TBCD: variants seen among roughly 807,000 people sequenced by gnomAD.
TBCD encodes tubulin-specific chaperone D.
A neutral mutation model predicts 169.3 loss-of-function variants in TBCD; 105 were observed. The ratio of observed to expected loss-of-function variants is 0.62; its 90% CI spans 0.53 to 0.73. TBCD has a LOEUF of 0.73. TBCD is among the 30% of genes least tolerant of loss of function. The pLI is 0.00. For missense variants in TBCD, 1,444 were observed against 1,600.1 expected, an observed-to-expected ratio of 0.90 and a Z score of 1.66; for synonymous variants, 700 against 643.9, an observed-to-expected ratio of 1.09 and a Z score of -1.32.
intron 30 of TBCD, 78 bp from the exon 31 acceptor site, chr17:82,929,033 TCG>T: frequency 6.6e-7 from 1 of 1,525,230 alleles, no homozygotes; most frequent in Non-Finnish European, 8.8e-7. Context: ...GAGTCACGGC[TCG>T]GACCGCCTGT....
At chr17:82,788,873 C>A (rs373555642) in intron 7 of TBCD, among the ~76,000 whole-genome samples, 8 of 152,170 alleles carry the variant, frequency 5.3e-5, no homozygotes, top group African/African-American at 1.7e-4. Flanking sequence ...GACCTCTCAC[C>A]GCAGAGGCTG....
intron 14 of TBCD, among the ~76,000 whole-genome samples, chr17:82,873,862 C>T (rs952381528): frequency 6.6e-6 from 1 of 152,156 alleles, no homozygotes; most frequent in Non-Finnish European, 1.5e-5. Context: ...GTGATCTGTT[C>T]GCACATTCTC....
At chr17:82,937,671 C>T (rs2062747622) in intron 35 of TBCD, 1 of 611,256 alleles carries the variant, frequency 1.6e-6, no homozygotes, top group Admixed American at 3.0e-5. Context: ...CTCCTGTGTG[C>T]CCTGGGGGTC....
At chr17:82,781,908 G>A (rs990197344) in intron 7 of TBCD, among the ~76,000 whole-genome samples, 187 bp downstream of exon 7, 1 of 152,222 alleles carries the variant, frequency 6.6e-6, no homozygotes, top group African/African-American at 2.4e-5. Flanking sequence ...GGCAGGGCTG[G>A]TTTCTGCGCT....
intron 19 of TBCD, among the ~76,000 whole-genome samples, chr17:82,904,722 G>A (rs905924435): frequency 2.0e-5 from 3 of 152,156 alleles, no homozygotes; most frequent in Non-Finnish European, 2.9e-5. Flanking sequence ...CTGATGTGAC[G>A]CCTGTGTTGA....
chr17:82,828,390 G>A (rs188687195), intron 13 of TBCD, among the ~76,000 whole-genome samples: 1 of 101,940 alleles, frequency 9.8e-6, no homozygotes, highest in Admixed American at 1.1e-4. Context: ...ACAGATACAT[G>A]CACACCCAAT....
intron 36 of TBCD, 101 bp from the exon 37 acceptor site, chr17:82,939,266 A>T: frequency 1.1e-6 from 1 of 902,900 alleles, no homozygotes; most frequent in South Asian, 1.4e-5. Flanking sequence ...CCTCCTCCTG[A>T]CGCCTTCCAC....
Position 82,920,748 on chromosome 17 carries a change from C to A in TBCD, c.2101+130C>A. The A allele has an allele frequency of 3.4e-6, 3 of 886,086 alleles. No homozygotes were observed. Among genetic ancestry groups the A allele is most frequent in the Non-Finnish European group, 3.4e-6 (2 of 584,174 alleles). 54.9% of individuals were successfully genotyped at this position (886,086 alleles called of 1,614,324 possible). A position where few individuals can be genotyped will look rare whatever the true frequency, so the allele number is the denominator to read the frequency against. On this transcript the variant is annotated intron_variant, in intron 24 of 38. Coordinates refer to ENST00000355528, the MANE Select transcript of TBCD (RefSeq NM_005993.5). This position sits in a 1 kb window ranked among gnomAD's most constrained non-coding sequence, Gnocchi z 4.1. Reference sequence around the variant, plus strand: ...AAAGGTTCAAGATATTAATCGGATACGTTGCCTTGAAGTTGTTACAAGAAC... The same window carrying A: ...AAAGGTTCAAGATATTAATCGGATAAGTTGCCTTGAAGTTGTTACAAGAAC...
intron 29 of TBCD, among the ~76,000 whole-genome samples, 179 bp from the exon 30 acceptor site, chr17:82,927,726 C>T (rs1439314090): frequency 4.6e-5 from 7 of 152,148 alleles, no homozygotes; most frequent in African/African-American, 7.2e-5. Flanking sequence ...TCCCTGCACA[C>T]GTCCCTGTAG....
At chr17:82,871,282 G>A (rs1240675152) in intron 14 of TBCD, among the ~76,000 whole-genome samples, 2 of 152,224 alleles carry the variant, frequency 1.3e-5, no homozygotes, top group Admixed American at 6.5e-5. Flanking sequence ...AACCGTGTGC[G>A]CTGGTTTTGT....
intron 38 of TBCD, chr17:82,942,095 A>G: frequency 4.8e-6 from 2 of 414,638 alleles, no homozygotes; most frequent in Non-Finnish European, 8.6e-6. Flanking sequence ...ATCAGGACAC[A>G]GCCTCCCCCA....
chr17:82,877,880 TAGAG>T, intron 14 of TBCD, among the ~76,000 whole-genome samples: 1 of 152,238 alleles, frequency 6.6e-6, no homozygotes, highest in Non-Finnish European at 1.5e-5. Context: ...TTTCTGTTCA[TAGAG>T]TTTTTCTGAA....
At chr17:82,933,165 G>A (rs938458018) in intron 34 of TBCD, among the ~76,000 whole-genome samples, 23 of 152,140 alleles carry the variant, frequency 1.5e-4, no homozygotes, top group African/African-American at 5.1e-4. Context: ...TTGCTTCTGC[G>A]CCACGCGGAT....
intron 13 of TBCD, among the ~76,000 whole-genome samples, chr17:82,822,403 G>A (rs2052489076): frequency 6.6e-6 from 1 of 152,214 alleles, no homozygotes; most frequent in South Asian, 2.1e-4. Flanking sequence ...GACCTCCTGG[G>A]GCGACATTTA....
intron 13 of TBCD, among the ~76,000 whole-genome samples, chr17:82,869,843 G>T (rs80112422): frequency 0.12 from 18,298 of 151,944 alleles, 1,457 homozygotes; most frequent in Non-Finnish European, 0.17. Context: ...AACCAGGGGC[G>T]CCTCTCCCTC....
At chr17:82,827,021 T>G (rs2052912364) in intron 13 of TBCD, among the ~76,000 whole-genome samples, 1 of 152,228 alleles carries the variant, frequency 6.6e-6, no homozygotes, top group Non-Finnish European at 1.5e-5. Context: ...TCCATCCGCT[T>G]TGGCCTCTCA....
chr17:82,913,493 T>C (rs1314684963), intron 23 of TBCD: 1 of 151,334 alleles, frequency 6.6e-6, no homozygotes, highest in Non-Finnish European at 1.5e-5. Context: ...TGAAGGCGTT[T>C]GGAGTCCCCG....
At chr17:82,861,764 T>C (rs1485007026) in intron 13 of TBCD, among the ~76,000 whole-genome samples, 2 of 152,286 alleles carry the variant, frequency 1.3e-5, no homozygotes, top group East Asian at 3.9e-4. Flanking sequence ...TCGGTGGGCA[T>C]AGGATGGCTA....
In TBCD at chr17:82,876,189, C is replaced by G. The variant is rs371981749; in HGVS notation, c.1475+5809C>G. Among the ~76,000 whole-genome samples the G allele has an allele frequency of 2.3e-3, 351 of 152,294 alleles. 1 individual carries two copies. Among genetic ancestry groups the G allele is most frequent in the African/African-American group, 7.7e-3 (320 of 41,556 alleles). On this transcript the variant is annotated intron_variant, in intron 14 of 38. Transcript: ENST00000355528. ...GAGGTGCCTGGAGCTTGGGACAAGT[C>G]GAGGCGTGCACTTCCCCTTGACTCG...
Sources: gnomAD v4.1 joint callset for allele counts (sites outside exome capture counted in the v4.1 genomes callset) on GRCh38, gnomAD v4.1.1 for gene constraint, Gnocchi (gnomAD v3.1) non-coding constraint, MANE v1.5 for transcripts, NCBI Gene and HGNC (gene_info 2026-07-23, HGNC 2026-07-21) for gene names.